The following PLEKHM2 variants were observed in gnomAD, a reference collection of about 807,000 sequenced individuals.
PLEKHM2 encodes the protein pleckstrin homology domain-containing family M member 2.
In PLEKHM2, 77 loss-of-function variants were observed where a neutral mutation model predicts 116.3. That is an observed-to-expected ratio of 0.66 (90% CI 0.55 to 0.80). PLEKHM2 has a LOEUF of 0.80. Among genes scored for constraint, PLEKHM2 ranks in the 30% least tolerant of loss-of-function variants. The pLI is 0.00. For synonymous variants in PLEKHM2, 562 were observed against 571.0 expected (o/e 0.98, Z 0.22); for missense variants, 1,183 against 1,354.9 (o/e 0.87, Z 1.99).
chr1:15,729,841 G>A lies in PLEKHM2; in HGVS notation c.2120G>A (p.Arg707Gln), dbSNP rs778454674. 9 of 1,613,340 alleles carry A rather than the reference G, an allele frequency of 5.6e-6. No homozygotes were observed. The highest frequency in any genetic ancestry group is 5.0e-5 in the Admixed American group (3 of 59,986). Reference sequence around the variant, plus strand: ...AAGTCAGCCATGATCAAAGGCTGTCGAGAACCTCCCTACCCCAGCATCCTG... The same window carrying A: ...AAGTCAGCCATGATCAAAGGCTGTCAAGAACCTCCCTACCCCAGCATCCTG... ...SLKSAMIKGCREPPYPSILTD... is the reference protein window; with the variant it reads ...SLKSAMIKGCQEPPYPSILTD... The change falls in exon 14 of 20, where the codon CGA (arginine) becomes CAA (glutamine). Residue 707 changes from arginine (R) to glutamine (Q), a missense_variant. Arg to Gln is a conservative substitution (Grantham distance 43). Transcript: ENST00000375799. This position sits in a 1 kb window ranked among gnomAD's most constrained non-coding sequence, Gnocchi z 4.7.
At chr1:15,689,370 C>G (rs549663668) in intron 1 of PLEKHM2, among the ~76,000 whole-genome samples, 1 of 152,230 alleles carries the variant, frequency 6.6e-6, no homozygotes, top group East Asian at 1.9e-4. Flanking sequence ...AGATGGTCTT[C>G]CGAGGACAGG....
At chr1:15,704,835 T>G (rs920681911) in intron 1 of PLEKHM2, among the ~76,000 whole-genome samples, 2 of 152,326 alleles carry the variant, frequency 1.3e-5, no homozygotes, top group East Asian at 3.9e-4. Context: ...GAGCACATAC[T>G]GCCCACGTTT....
At chr1:15,724,691 C>T (rs1239215372) in intron 7 of PLEKHM2, among the ~76,000 whole-genome samples, 2 of 152,162 alleles carry the variant, frequency 1.3e-5, no homozygotes, top group Non-Finnish European at 2.9e-5. Context: ...GGGCATTTCC[C>T]TCTGCCCCAT....
chr1:15,691,746 G>A (rs1178236897), intron 1 of PLEKHM2, among the ~76,000 whole-genome samples: 1 of 152,164 alleles, frequency 6.6e-6, no homozygotes, highest in Non-Finnish European at 1.5e-5. Context: ...CTTGCATGGT[G>A]AACTTTTTCT....
chr1:15,726,361 C>CTA (rs1347176655), intron 8 of PLEKHM2, among the ~76,000 whole-genome samples: 1 of 152,202 alleles, frequency 6.6e-6, no homozygotes, highest in Non-Finnish European at 1.5e-5. Flanking sequence ...TTCACACTGA[C>CTA]TAAGAGGAGA....
chr1:15,684,697 G>GGCGACCATGCTGCCGCAGGGACTC, intron 1 of PLEKHM2, 79 bp downstream of exon 1: 1 of 795,234 alleles, frequency 1.3e-6, no homozygotes. Context: ...CTCCCGGGCC[G>GGCGACCATGCTGCCGCAGGGACTC]GGGCCCCCCG....
intron 15 of PLEKHM2, 118 bp downstream of exon 15, chr1:15,730,840 G>A (rs888513971): frequency 2.7e-5 from 21 of 774,604 alleles, no homozygotes; most frequent in East Asian, 8.1e-5. Flanking sequence ...AGGAGAGGAC[G>A]CCTCCCTTCC....
At chr1:15,699,262 G>A (rs1432507203) in intron 1 of PLEKHM2, among the ~76,000 whole-genome samples, 5 of 152,074 alleles carry the variant, frequency 3.3e-5, no homozygotes, top group Admixed American at 6.6e-5. Flanking sequence ...TTACATAGGT[G>A]TACATGTGCC....
upstream of PLEKHM2, chr1:15,682,962 A>G (rs1163696395): frequency 6.6e-6 from 1 of 152,218 alleles, no homozygotes; most frequent in Admixed American, 6.5e-5. Context: ...GCTTTATGAG[A>G]TGGTGGATTT....
intron 7 of PLEKHM2, among the ~76,000 whole-genome samples, chr1:15,724,127 C>T (rs977105027): frequency 3.3e-5 from 5 of 152,206 alleles, no homozygotes; most frequent in Non-Finnish European, 7.3e-5. Flanking sequence ...GCCAGCTCCC[C>T]TCTCGGGGGC....
upstream of PLEKHM2, among the ~76,000 whole-genome samples, chr1:15,682,582 G>A (rs1453613110): frequency 6.6e-6 from 1 of 150,616 alleles, no homozygotes; most frequent in Non-Finnish European, 1.5e-5. Context: ...TCGCACCACC[G>A]CATTCCAGCC....
chr1:15,715,439 T>C (rs1571049220), intron 1 of PLEKHM2, among the ~76,000 whole-genome samples: 1 of 152,120 alleles, frequency 6.6e-6, no homozygotes, highest in African/African-American at 2.4e-5. Flanking sequence ...GTCAGGAGCT[T>C]GAGACCAGCC....
chr1:15,698,746 A>G (rs1347913466), intron 1 of PLEKHM2, among the ~76,000 whole-genome samples: 1 of 149,360 alleles, frequency 6.7e-6, no homozygotes, highest in Non-Finnish European at 1.5e-5. Flanking sequence ...ACAGGGTTTC[A>G]CCATGTTGGC....
chr1:15,684,672 C>A, intron 1 of PLEKHM2, 54 bp downstream of exon 1: 1 of 1,075,628 alleles, frequency 9.3e-7, no homozygotes, highest in Non-Finnish European at 1.2e-6. Flanking sequence ...GCCCCCCACG[C>A]CCTCCGGCGG....
At chr1:15,730,453 A>AC in intron 14 of PLEKHM2, 79 bp from the exon 15 acceptor site, 1 of 1,240,886 alleles carries the variant, frequency 8.1e-7, no homozygotes, top group Non-Finnish European at 1.1e-6. Flanking sequence ...AAAAGAAAAA[A>AC]AAAGAACCAG....
At chr1:15,716,409 A>AGGCTAAGGGTTTCTCTGTGG in intron 2 of PLEKHM2, 66 bp downstream of exon 2, 1 of 996,022 alleles carries the variant, frequency 1.0e-6, no homozygotes, top group Non-Finnish European at 1.5e-6. Flanking sequence ...CTCCACAGAG[A>AGGCTAAGGGTTTCTCTGTGG]AACCCTTAGC....
rs1571069843 is a variant in PLEKHM2, at chr1:15,728,879, A to G, written c.1986+146A>G. The G allele has an allele frequency of 1.2e-6, 1 of 836,894 alleles. No individual in the cohort carries two copies. Among genetic ancestry groups the G allele is most frequent in the Non-Finnish European group, 1.9e-6 (1 of 517,914 alleles). The allele number at this position is 836,894 out of a possible 1,614,324, so 51.8% of individuals were successfully genotyped here. A position where few individuals can be genotyped will look rare whatever the true frequency, so the allele number is the denominator to read the frequency against. On this transcript the variant is annotated intron_variant, in intron 12 of 19. Transcript: ENST00000375799. This position sits in a 1 kb window ranked among gnomAD's most constrained non-coding sequence, Gnocchi z 5.9. ...TTAACTCTCAGAGAGGCTTCTGTACACGATGCTGGGGGTAAGAACCAAGCT... is the reference window on the plus strand; with the variant it reads ...TTAACTCTCAGAGAGGCTTCTGTACGCGATGCTGGGGGTAAGAACCAAGCT...
intron 19 of PLEKHM2, among the ~76,000 whole-genome samples, 159 bp from the exon 20 acceptor site, chr1:15,733,638 G>A (rs775997806): frequency 2.0e-5 from 3 of 152,370 alleles, no homozygotes; most frequent in South Asian, 2.1e-4. Flanking sequence ...CTGGAAGAGC[G>A]GGAGAAACTA....
chr1:15,699,555 G>A (rs1641069508), intron 1 of PLEKHM2, among the ~76,000 whole-genome samples: 1 of 152,150 alleles, frequency 6.6e-6, no homozygotes, highest in African/African-American at 2.4e-5. Flanking sequence ...GTATTCCATG[G>A]TGTATATGTG....
Sources: gnomAD v4.1 joint callset for allele counts (sites outside exome capture counted in the v4.1 genomes callset) on GRCh38, gnomAD v4.1.1 for gene constraint, Gnocchi (gnomAD v3.1) non-coding constraint, MANE v1.5 for transcripts, NCBI Gene and HGNC (gene_info 2026-07-23, HGNC 2026-07-21) for gene names.